LGR5: variants seen among roughly 807,000 people sequenced by gnomAD.
LGR5 encodes leucine rich repeat containing G protein-coupled receptor 5, also known as leucine-rich repeat-containing G protein-coupled receptor 5.
A neutral mutation model predicts 76.7 loss-of-function variants in LGR5; 54 were observed. The observed-to-expected ratio is 0.70, with a 90% CI of 0.57 to 0.88. The LOEUF (loss-of-function observed/expected upper bound fraction) is 0.88. Ranked by LOEUF, LGR5 falls within the 40% of genes least tolerant of loss-of-function variation. The pLI is 0.00. For synonymous variants in LGR5, 406 were observed against 421.9 expected (o/e 0.96, Z 0.46); for missense variants, 1,078 against 1,073.3 (o/e 1.00, Z -0.06).
intron 13 of LGR5, among the ~76,000 whole-genome samples, chr12:71,574,618 C>T (rs190762463): frequency 7.6e-4 from 116 of 152,198 alleles, no homozygotes; most frequent in African/African-American, 2.7e-3. Context: ...AATTATTTCC[C>T]TGTTGTCTTC....
At chr12:71,531,997 C>T (rs1876341351) in intron 3 of LGR5, among the ~76,000 whole-genome samples, 1 of 152,148 alleles carries the variant, frequency 6.6e-6, no homozygotes, top group African/African-American at 2.4e-5. Flanking sequence ...TCATCTTCCA[C>T]CTCAATTTTT....
chr12:71,449,487 A>G (rs1443487582), intron 1 of LGR5, among the ~76,000 whole-genome samples: 1 of 152,158 alleles, frequency 6.6e-6, no homozygotes. Flanking sequence ...GGATGTGAGC[A>G]TATCTCATTT....
chr12:71,566,597 T>G (rs969362950), intron 9 of LGR5, 35 bp from the exon 10 acceptor site: 1 of 1,572,040 alleles, frequency 6.4e-7, no homozygotes. Context: ...GTCTAGAATC[T>G]TCTACCAGTA....
chr12:71,548,321 G>GTGTGTGTGTGTA (rs147007812), intron 4 of LGR5, among the ~76,000 whole-genome samples: 6,989 of 150,962 alleles, frequency 0.046, 226 homozygotes, highest in Non-Finnish European at 0.066. Flanking sequence ...GTGTGTGTGT[G>GTGTGTGTGTGTA]TGTGCGTAGA....
rs769020226 is a variant in LGR5, at chr12:71,535,206, C to G, written c.428+20C>G. The stretch of plus-strand genomic sequence containing the variant: ...ATCCCTGTAAGTATAGTAGACATTG[C>G]AAAATATATTTAAGATCAATTTGGG... On this transcript the variant is annotated intron_variant, in intron 4 of 17. Coordinates refer to ENST00000266674, the MANE Select transcript of LGR5 (RefSeq NM_003667.4). 2 of 1,489,816 alleles carry G rather than the reference C, an allele frequency of 1.3e-6. No homozygotes were observed. The highest frequency in any genetic ancestry group is 4.5e-5 in the East Asian group (2 of 44,180). The allele number at this position is 1,489,816 out of a possible 1,614,324, so 92.3% of individuals were successfully genotyped here.
chr12:71,578,078 A>G, intron 14 of LGR5, 82 bp downstream of exon 14: 4 of 1,070,832 alleles, frequency 3.7e-6, no homozygotes, highest in Admixed American at 1.7e-5. Flanking sequence ...GGTTTTGTTG[A>G]AGAAGCTGGA....
At chr12:71,579,790 C>G (rs1879013743) in intron 15 of LGR5, among the ~76,000 whole-genome samples, 1 of 152,112 alleles carries the variant, frequency 6.6e-6, no homozygotes, top group African/African-American at 2.4e-5. Context: ...CCAAGTCCAC[C>G]CTTCCCAGTC....
intron 1 of LGR5, among the ~76,000 whole-genome samples, chr12:71,486,156 C>G (rs919568684): frequency 6.6e-6 from 1 of 152,110 alleles, no homozygotes; most frequent in Non-Finnish European, 1.5e-5. Flanking sequence ...AATAATTCCC[C>G]CTTTTTGCTC....
rs1391616062 is a variant in LGR5 at position 71,439,883 on chromosome 12, G to A, written c.-198G>A. 3 of 541,760 alleles carry A rather than the reference G, an allele frequency of 5.5e-6. No individual in the cohort carries two copies. Among genetic ancestry groups the A allele is most frequent in the Non-Finnish European group, 9.6e-6 (3 of 312,728 alleles). The allele number at this position is 541,760 out of a possible 1,614,324, so 33.6% of individuals were successfully genotyped here. A position where few individuals can be genotyped will look rare whatever the true frequency, so the allele number is the denominator to read the frequency against. On this transcript the variant is annotated 5_prime_UTR_variant, in exon 1 of 18. Transcript: ENST00000266674. ...CCAGGGCTGCTCCGAAGGCCGGCGTGGCGGCAACCGGCACCTCTGTCCCCG... is the reference window on the plus strand; with the variant it reads ...CCAGGGCTGCTCCGAAGGCCGGCGTAGCGGCAACCGGCACCTCTGTCCCCG...
intron 1 of LGR5, among the ~76,000 whole-genome samples, chr12:71,495,176 A>T (rs531156569): frequency 6.6e-6 from 1 of 151,506 alleles, no homozygotes; most frequent in South Asian, 2.1e-4. Context: ...GAAGTAATTC[A>T]TGAGTTGGGG....
Position 71,440,295 on chromosome 12 carries a change from A to G in LGR5, c.212+3A>G, listed in dbSNP as rs1871702226. On this transcript the variant is annotated splice_donor_region_variant and intron_variant, in intron 1 of 17. Transcript: ENST00000266674. This position sits in a 1 kb window ranked among gnomAD's most constrained non-coding sequence, Gnocchi z 5.3. ...CTCAGCGTCTTCACCTCCTACCTGT[A>G]AGTACTTCCCCACGTCACTCCGGGA... 1 of 1,608,632 alleles carries G rather than the reference A, an allele frequency of 6.2e-7. No homozygotes were observed.
intron 3 of LGR5, among the ~76,000 whole-genome samples, chr12:71,528,032 C>T (rs1876106250): frequency 6.6e-6 from 1 of 152,160 alleles, no homozygotes; most frequent in Non-Finnish European, 1.5e-5. Flanking sequence ...TCTGCATATG[C>T]TTAATAATTT....
intron 2 of LGR5, among the ~76,000 whole-genome samples, chr12:71,516,644 A>C (rs1342873171): frequency 6.6e-6 from 1 of 152,218 alleles, no homozygotes; most frequent in African/African-American, 2.4e-5. Flanking sequence ...AAAATCTTTT[A>C]TATTACTTTA....
At chr12:71,480,844 A>G (rs1873566248) in intron 1 of LGR5, among the ~76,000 whole-genome samples, 1 of 152,196 alleles carries the variant, frequency 6.6e-6, no homozygotes, top group Non-Finnish European at 1.5e-5. Context: ...TAAGTGTTAC[A>G]GTACATTAGG....
At position 71,496,370 on chromosome 12, in the gene LGR5, C is replaced by CAA. The variant is rs67593850; in HGVS notation, c.213-8223_213-8222dup. On this transcript the variant is annotated intron_variant, in intron 1 of 17. Transcript: ENST00000266674. ...GCAACAGAGGAAGACTCCATCTCAA[C>CAA]AAAAAAAAAAAAAAAAAAAAAAGAG... is the stretch of plus-strand genomic sequence containing the variant. Among the ~76,000 whole-genome samples the CAA allele has an allele frequency of 3.2e-3, 321 of 99,544 alleles. 1 individual carries two copies. Among genetic ancestry groups the CAA allele is most frequent in the African/African-American group, 7.4e-3 (172 of 23,182 alleles). 65.3% of individuals were successfully genotyped at this position (99,544 alleles called of 152,430 possible).
intron 1 of LGR5, among the ~76,000 whole-genome samples, chr12:71,452,383 A>G (rs1040448327): frequency 6.6e-6 from 1 of 152,216 alleles, no homozygotes; most frequent in African/African-American, 2.4e-5. Flanking sequence ...CAGTCAGCAC[A>G]GTTTTCTCTC....
At chr12:71,498,051 G>A (rs1049422294) in intron 1 of LGR5, among the ~76,000 whole-genome samples, 3 of 152,134 alleles carry the variant, frequency 2.0e-5, no homozygotes, top group Admixed American at 2.0e-4. Flanking sequence ...GAGAAAAGAA[G>A]GGGGGAGCAG....
intron 1 of LGR5, among the ~76,000 whole-genome samples, chr12:71,454,474 T>A (rs1402411791): frequency 6.6e-6 from 1 of 152,074 alleles, no homozygotes; most frequent in Non-Finnish European, 1.5e-5. Flanking sequence ...TAATTTCCAA[T>A]GAAGAGTCAG....
intron 4 of LGR5, among the ~76,000 whole-genome samples, chr12:71,544,231 C>T (rs551981763): frequency 9.4e-4 from 142 of 150,990 alleles, no homozygotes; most frequent in Non-Finnish European, 1.7e-3. Flanking sequence ...TATCTCTCCC[C>T]AACCTGGAGA....
Sources: allele counts gnomAD v4.1 joint callset (sites outside exome capture counted in the v4.1 genomes callset), GRCh38; gene constraint gnomAD v4.1.1; non-coding constraint Gnocchi (gnomAD v3.1); transcripts MANE v1.5; gene names NCBI Gene and HGNC (gene_info 2026-07-23, HGNC 2026-07-21).